Variants in ANXA10 observed in about 807,000 individuals in gnomAD.
ANXA10 encodes the protein annexin A10, also known as annexin 14.
In ANXA10, 49 loss-of-function variants were observed where a neutral mutation model predicts 53.5. That is an observed-to-expected ratio of 0.92 (90% confidence interval 0.73 to 1.16). The LOEUF (loss-of-function observed/expected upper bound fraction) is 1.16, where lower values mean the gene tolerates loss of function less well. ANXA10 is among the 50% of genes most tolerant of loss of function. The pLI is 0.00. For synonymous variants in ANXA10, 131 were observed against 128.9 expected (o/e 1.02, Z -0.11); for missense variants, 393 against 394.4 (o/e 1.00, Z 0.03).
intron 3 of ANXA10, among the ~76,000 whole-genome samples, chr4:168,157,034 A>G (rs1731697814): frequency 6.6e-6 from 1 of 152,138 alleles, no homozygotes; most frequent in Non-Finnish European, 1.5e-5. Flanking sequence ...CGTGGAAAAA[A>G]TGCTAAAACT....
Position 168,120,807 on chromosome 4 carries a change from G to C in ANXA10, c.19-7277G>C, listed in dbSNP as rs1579208677. On this transcript the variant is annotated intron_variant, in intron 1 of 11. Coordinates refer to ENST00000359299, the MANE Select transcript of ANXA10 (RefSeq NM_007193.5). Reference sequence around the variant, plus strand: ...ACACTTTAAAATGTCAATACTTACAGTGCTTAAAGTGGATTTGTTAAAAAT... The same window carrying C: ...ACACTTTAAAATGTCAATACTTACACTGCTTAAAGTGGATTTGTTAAAAAT... 3.9e-5 allele frequency among the ~76,000 whole-genome samples: 6 copies of C among 151,970 alleles called. 1 individual carries two copies. The highest frequency in any genetic ancestry group is 3.9e-4 in the Admixed American group (6 of 15,280).
At chr4:168,104,010 T>C (rs1051240749) in intron 1 of ANXA10, among the ~76,000 whole-genome samples, 3 of 151,956 alleles carry the variant, frequency 2.0e-5, no homozygotes, top group Admixed American at 1.3e-4. Context: ...CATTCAATAT[T>C]TCACCTTTAA....
intron 10 of ANXA10, among the ~76,000 whole-genome samples, chr4:168,183,044 A>C (rs994503734): frequency 6.6e-6 from 1 of 151,788 alleles, no homozygotes; most frequent in African/African-American, 2.4e-5. Flanking sequence ...AAAGAAAAGA[A>C]AAAGAAAGTC....
chr4:168,093,648 G>T (rs1730495800), intron 1 of ANXA10, among the ~76,000 whole-genome samples: 2 of 152,164 alleles, frequency 1.3e-5, no homozygotes, highest in Admixed American at 6.5e-5. Context: ...CTGCACTCCA[G>T]CCTGGGCGAC....
Position 168,184,697 on chromosome 4 carries a change from A to G in ANXA10, c.906+16A>G. 1 of 1,611,390 alleles carries G rather than the reference A, an allele frequency of 6.2e-7. No individual in the cohort carries two copies. Among genetic ancestry groups the G allele is most frequent in the Non-Finnish European group, 8.5e-7 (1 of 1,179,108 alleles). On this transcript the variant is annotated intron_variant, in intron 11 of 11. Transcript: ENST00000359299. ...TGATATCAGAGTAAGTTTCCGACACATGATTTATTTGGACCCACATTTTCT... is the reference window on the plus strand; with the variant it reads ...TGATATCAGAGTAAGTTTCCGACACGTGATTTATTTGGACCCACATTTTCT...
intron 3 of ANXA10, among the ~76,000 whole-genome samples, chr4:168,147,896 G>A (rs1334634880): frequency 6.6e-6 from 1 of 152,156 alleles, no homozygotes; most frequent in Non-Finnish European, 1.5e-5. Flanking sequence ...GGGGTAGAGG[G>A]AAGGAAAAGT....
At position 168,128,184 on chromosome 4, in the gene ANXA10, A is replaced by G. The variant is rs1731103514; in HGVS notation, c.100+19A>G. On this transcript the variant is annotated intron_variant, in intron 2 of 11. Transcript: ENST00000359299. ...GGATTTGGTAAGTCTGATTATTTCT[A>G]CCATCTTTTATTGTGATTATTTTTT... The G allele has an allele frequency of 6.3e-7, 1 of 1,592,594 alleles. No homozygotes were observed. Among genetic ancestry groups the G allele is most frequent in the Non-Finnish European group, 8.6e-7 (1 of 1,161,742 alleles).
intron 2 of ANXA10, among the ~76,000 whole-genome samples, chr4:168,130,746 A>G (rs1176733577): frequency 6.6e-6 from 1 of 151,898 alleles, no homozygotes; most frequent in African/African-American, 2.4e-5. Flanking sequence ...GTGGTCTTAG[A>G]GTTATTAATA....
At chr4:168,110,805 C>A (rs1288388721) in intron 1 of ANXA10, among the ~76,000 whole-genome samples, 3 of 152,116 alleles carry the variant, frequency 2.0e-5, no homozygotes, top group Admixed American at 6.5e-5. Flanking sequence ...AACAACAAAA[C>A]CAACCAGAGC....
At chr4:168,150,984 C>T (rs1251148999) in intron 3 of ANXA10, among the ~76,000 whole-genome samples, 2 of 152,040 alleles carry the variant, frequency 1.3e-5, no homozygotes, top group African/African-American at 4.8e-5. Context: ...GGAGGGGGTA[C>T]CATAAGGTGT....
chr4:168,092,853 AT>A, intron 1 of ANXA10, 135 bp downstream of exon 1: 1 of 673,318 alleles, frequency 1.5e-6, no homozygotes, highest in Non-Finnish European at 2.3e-6. Context: ...CTTTCTTACT[AT>A]TTTATGCCCA....
intron 1 of ANXA10, among the ~76,000 whole-genome samples, chr4:168,119,108 T>C (rs1026675211): frequency 6.6e-6 from 1 of 152,204 alleles, no homozygotes; most frequent in Non-Finnish European, 1.5e-5. Context: ...TGTGTAAGAT[T>C]CTATCTCATA....
At position 168,099,090 on chromosome 4, in the gene ANXA10, G is replaced by C. The variant is rs577615122; in HGVS notation, c.18+6372G>C. 2.0e-5 allele frequency among the ~76,000 whole-genome samples: 3 copies of C among 152,210 alleles called. No homozygotes were observed. In the South Asian group the frequency reaches 6.2e-4, roughly 32 times the overall value. On this transcript the variant is annotated intron_variant, in intron 1 of 11. Coordinates refer to ENST00000359299, the MANE Select transcript of ANXA10 (RefSeq NM_007193.5). ...ACTTTTTCAGTTATGTAAAAAGAAA[G>C]CACTTTAACCACAGCAGATATAGCA...
chr4:168,139,456 T>C (rs758023616), intron 2 of ANXA10, 30 bp from the exon 3 acceptor site: 1 of 1,591,278 alleles, frequency 6.3e-7, no homozygotes, highest in East Asian at 2.3e-5. Context: ...GTAGCAACTT[T>C]ACTAATCTTC....
chr4:168,175,161 AAAT>A (rs1203141702), intron 6 of ANXA10, among the ~76,000 whole-genome samples: 5 of 152,200 alleles, frequency 3.3e-5, no homozygotes, highest in African/African-American at 9.7e-5. Flanking sequence ...CAATAAAATG[AAAT>A]AGATTGCAGG....
chr4:168,186,927 A>G (rs1049401341), intron 11 of ANXA10, among the ~76,000 whole-genome samples: 4 of 152,088 alleles, frequency 2.6e-5, no homozygotes, highest in African/African-American at 7.2e-5. Flanking sequence ...ATGATTGATA[A>G]TAACTTTCTT....
chr4:168,124,525 G>A (rs745345704), intron 1 of ANXA10, among the ~76,000 whole-genome samples: 2 of 152,138 alleles, frequency 1.3e-5, no homozygotes, highest in South Asian at 2.1e-4. Context: ...TGAGTCACAG[G>A]AATATGTTAC....
intron 11 of ANXA10, among the ~76,000 whole-genome samples, chr4:168,186,229 A>G (rs1732366696): frequency 6.6e-6 from 1 of 152,256 alleles, no homozygotes; most frequent in South Asian, 2.1e-4. Context: ...TAACAAAGAA[A>G]CATTTTATAA....
At chr4:168,145,864 C>T (rs1313503616) in intron 3 of ANXA10, among the ~76,000 whole-genome samples, 1 of 151,906 alleles carries the variant, frequency 6.6e-6, no homozygotes, top group Non-Finnish European at 1.5e-5. Context: ...GCAGCAATAC[C>T]AGAAGCCTAG....
Sources: gnomAD v4.1 joint callset for allele counts (sites outside exome capture counted in the v4.1 genomes callset) on GRCh38, gnomAD v4.1.1 for gene constraint, MANE v1.5 for transcripts, NCBI Gene and HGNC (gene_info 2026-07-23, HGNC 2026-07-21) for gene names.